The following TPP2 variants were observed in gnomAD, a reference collection of about 807,000 sequenced individuals.
TPP2 encodes tripeptidyl-peptidase 2.
In TPP2, 34 loss-of-function variants were observed where a neutral mutation model predicts 155.9. The ratio of observed to expected loss-of-function variants is 0.22; its 90% CI spans 0.17 to 0.29. The LOEUF (loss-of-function observed/expected upper bound fraction) is 0.29, where lower values mean the gene tolerates loss of function less well. TPP2 is among the 10% of genes least tolerant of loss of function. The pLI is 1.00. For missense variants in TPP2, 1,028 were observed against 1,522.3 expected (o/e 0.68, Z 5.40); for synonymous variants, 510 against 529.4 (o/e 0.96, Z 0.50).
rs747927438 is a variant in TPP2, at chr13:102,643,185, T to C, written c.2021-37T>C. The C allele has an allele frequency of 4.2e-5, 65 of 1,532,464 alleles. No individual in the cohort carries two copies. In the East Asian group the frequency reaches 1.2e-3, roughly 29 times the overall value. The allele number at this position is 1,532,464 out of a possible 1,614,324, so 94.9% of individuals were successfully genotyped here. A position where few individuals can be genotyped will look rare whatever the true frequency, so the allele number is the denominator to read the frequency against. On this transcript the variant is annotated intron_variant, in intron 16 of 29. Transcript: ENST00000376052. ...CACTTTATGTCAATTTTAGGTCTTA[T>C]AAGTTTAAAGCTTTGCTTCTTTCTT...
intron 6 of TPP2, among the ~76,000 whole-genome samples, chr13:102,625,006 C>A (rs1395996468): frequency 2.7e-5 from 4 of 150,550 alleles, no homozygotes; most frequent in Non-Finnish European, 5.9e-5. Flanking sequence ...ATTACAGGCG[C>A]GTACCACCAC....
At position 102,679,899 on chromosome 13, in the gene TPP2, G is replaced by C. The variant is rs1402024177; in HGVS notation, c.*1583G>C. The C allele has an allele frequency of 6.6e-6, 1 of 152,146 alleles. No individual in the cohort carries two copies. The highest frequency in any genetic ancestry group is 6.5e-5 in the Admixed American group (1 of 15,284). The allele number at this position is 152,146 out of a possible 1,614,324, so 9.4% of individuals were successfully genotyped here. A position where few individuals can be genotyped will look rare whatever the true frequency, so the allele number is the denominator to read the frequency against. ...CTACAGCAGGAATCAGTAACGTTTG[G>C]CCCTTTAACCCAAACTGGACTGCTG... On this transcript the variant is annotated 3_prime_UTR_variant, in exon 30 of 30. Coordinates refer to ENST00000376052, the MANE Select transcript of TPP2 (RefSeq NM_001330588.2).
chr13:102,672,110 C>G (rs1285521589), intron 27 of TPP2, among the ~76,000 whole-genome samples: 1 of 152,164 alleles, frequency 6.6e-6, no homozygotes, highest in Non-Finnish European at 1.5e-5. Flanking sequence ...AAGTCTGTCC[C>G]TCAGACTATG....
Position 102,634,163 on chromosome 13 carries a change from A to G in TPP2, c.1393+65A>G, listed in dbSNP as rs191099178. The stretch of plus-strand genomic sequence containing the variant: ...AATATTTTTGTTTTCTGAAGCTCTC[A>G]TGGTAAGAACATGTGGTAGAATTGA... On this transcript the variant is annotated intron_variant, in intron 11 of 29. Coordinates refer to ENST00000376052, the MANE Select transcript of TPP2 (RefSeq NM_001330588.2). 8.6e-3 allele frequency: 13,797 copies of G among 1,599,426 alleles called. 95 individuals are homozygous for G. Among genetic ancestry groups the G allele is most frequent in the Non-Finnish European group, 0.011 (12,533 of 1,168,742 alleles).
rs777328922 is a variant in TPP2 at position 102,664,898 on chromosome 13, C to T, written c.3344C>T (p.Pro1115Leu). 1 of 1,613,126 alleles carries T rather than the reference C, an allele frequency of 6.2e-7. No homozygotes were observed. The highest frequency in any genetic ancestry group is 8.5e-7 in the Non-Finnish European group (1 of 1,179,674). The change falls in exon 27 of 30, where the codon CCC (proline) becomes CTC (leucine). Residue 1115 changes from proline (P) to leucine (L), a missense_variant. Transcript: ENST00000376052. ...LAVYIAMKTDPRPDAATIKND... is the reference protein window; with the variant it reads ...LAVYIAMKTDLRPDAATIKND... ...GTTTATATTGCAATGAAGACTGATC[C>T]CAGGCCTGATGCAGCTACTATAAAA...
At position 102,642,564 on chromosome 13, in the gene TPP2, T is replaced by C. The variant is rs185411537; in HGVS notation, c.2021-658T>C. ...TTTGTATTCTTAGCAACTGACTAGG[T>C]TCTGAGAGCTCTCTGCACACCTGGT... On this transcript the variant is annotated intron_variant, in intron 16 of 29. Coordinates refer to ENST00000376052, the MANE Select transcript of TPP2 (RefSeq NM_001330588.2). 6.8e-4 allele frequency among the ~76,000 whole-genome samples: 104 copies of C among 152,300 alleles called. 1 individual carries two copies. The highest frequency in any genetic ancestry group is 2.5e-3 in the African/African-American group (102 of 41,556).
intron 2 of TPP2, among the ~76,000 whole-genome samples, chr13:102,610,906 C>A (rs1310324404): frequency 6.6e-6 from 1 of 152,198 alleles, no homozygotes; most frequent in Non-Finnish European, 1.5e-5. Flanking sequence ...TCAGAAACTT[C>A]CTGCATCCTC....
chr13:102,667,800 A>G (rs1475908674), intron 27 of TPP2: 13 of 985,398 alleles, frequency 1.3e-5, no homozygotes, highest in African/African-American at 1.7e-5. Flanking sequence ...TTCTCTGGGC[A>G]GCCAGGATCC....
chr13:102,671,014 T>C (rs1884943092), intron 27 of TPP2, among the ~76,000 whole-genome samples: 1 of 152,222 alleles, frequency 6.6e-6, no homozygotes, highest in East Asian at 1.9e-4. Flanking sequence ...AAGTCTTTTC[T>C]AATGGGGAGC....
chr13:102,666,723 T>C (rs1469299666), intron 27 of TPP2, among the ~76,000 whole-genome samples: 2 of 146,182 alleles, frequency 1.4e-5, no homozygotes, highest in Non-Finnish European at 3.0e-5. Flanking sequence ...TAATACGATA[T>C]TAGTTTTGTT....
rs186408443 is a variant in TPP2 at position 102,659,599 on chromosome 13, A to G, written c.3143+2392A>G. Reference sequence around the variant, plus strand: ...CTCAAAAATCTCAACCAATAATCCTATATCCAGCAAAACTGTCCTTTAAAA... The same window carrying G: ...CTCAAAAATCTCAACCAATAATCCTGTATCCAGCAAAACTGTCCTTTAAAA... On this transcript the variant is annotated intron_variant, in intron 25 of 29. Coordinates refer to ENST00000376052, the MANE Select transcript of TPP2 (RefSeq NM_001330588.2). Among the ~76,000 whole-genome samples the G allele has an allele frequency of 6.2e-3, 943 of 152,312 alleles. 4 individuals carry two copies. The highest frequency in any genetic ancestry group is 0.014 in the Middle Eastern group (4 of 294).
At chr13:102,659,872 T>C (rs1884090311) in intron 25 of TPP2, among the ~76,000 whole-genome samples, 1 of 152,218 alleles carries the variant, frequency 6.6e-6, no homozygotes, top group Admixed American at 6.5e-5. Flanking sequence ...TCTGTAAATA[T>C]TGTGTATATA....
chr13:102,656,953 A>G (rs1314132766), intron 24 of TPP2, 103 bp from the exon 25 acceptor site: 2 of 1,262,420 alleles, frequency 1.6e-6, no homozygotes, highest in Non-Finnish European at 2.2e-6. Context: ...GTGTAGTACA[A>G]CTTAGGTGCA....
intron 27 of TPP2, among the ~76,000 whole-genome samples, chr13:102,669,000 G>A (rs969324246): frequency 4.6e-5 from 7 of 152,232 alleles, no homozygotes; most frequent in Middle Eastern, 3.4e-3. Flanking sequence ...TTGATGCCTC[G>A]TGCTGGAATC....
rs1882887601 is a variant in TPP2 at position 102,643,251 on chromosome 13, G to A, written c.2050G>A (p.Val684Met). ...GACAGTGTGTTCGTGTTCTTCTGAG[G>A]TGTCAGCAAAGTTTGTTCTACATGC... ...EVTVCSCSSE[V>M]SAKFVLHAVQ... is the part of the protein sequence containing the mutation. Residue 684 changes from valine (V) to methionine (M), a missense_variant, in exon 17 of 30, where the codon GTG (valine) becomes ATG (methionine). Physicochemically the swap from Val to Met is conservative, Grantham distance 21 (BLOSUM62 1). Coordinates refer to ENST00000376052, the MANE Select transcript of TPP2 (RefSeq NM_001330588.2). 1 of 1,608,706 alleles carries A rather than the reference G, an allele frequency of 6.2e-7. No homozygotes were observed. Among genetic ancestry groups the A allele is most frequent in the East Asian group, 2.2e-5 (1 of 44,612 alleles).
intron 27 of TPP2, among the ~76,000 whole-genome samples, chr13:102,671,183 AT>A (rs1384423499): frequency 2.6e-5 from 4 of 152,206 alleles, no homozygotes; most frequent in African/African-American, 9.6e-5. Context: ...GTTTAAGTCA[AT>A]AAGACTATAG....
intron 3 of TPP2, among the ~76,000 whole-genome samples, chr13:102,615,734 T>C (rs9557893): frequency 0.25 from 37,915 of 152,012 alleles, 5,309 homozygotes; most frequent in East Asian, 0.45. Flanking sequence ...CTTATGGCAT[T>C]TCCCAATTTT....
At chr13:102,600,742 G>A (rs1260987369) in intron 1 of TPP2, among the ~76,000 whole-genome samples, 2 of 152,138 alleles carry the variant, frequency 1.3e-5, no homozygotes, top group South Asian at 2.1e-4. Context: ...AGGAGGTTAC[G>A]AGTAGTTTCA....
chr13:102,640,434 A>G, intron 16 of TPP2, 58 bp downstream of exon 16: 1 of 1,361,976 alleles, frequency 7.3e-7, no homozygotes, highest in Non-Finnish European at 1.0e-6. Context: ...TAATGACTAT[A>G]GCTGTATGAG....
Sources: gnomAD v4.1 joint callset for allele counts (sites outside exome capture counted in the v4.1 genomes callset) on GRCh38, gnomAD v4.1.1 for gene constraint, MANE v1.5 for transcripts, NCBI Gene and HGNC (gene_info 2026-07-23, HGNC 2026-07-21) for gene names.